ADGRG7: variants seen among roughly 807,000 people sequenced by gnomAD.
The protein encoded by ADGRG7 is adhesion G protein-coupled receptor G7.
A neutral mutation model predicts 88.6 loss-of-function variants in ADGRG7; 82 were observed. The ratio of observed to expected loss-of-function variants is 0.93; its 90% CI spans 0.77 to 1.11. The LOEUF is 1.11. Among genes scored for constraint, ADGRG7 ranks in the 50% most tolerant of loss-of-function variants. ADGRG7 has a pLI of 0.00. For synonymous variants in ADGRG7, 381 were observed against 345.2 expected (o/e 1.10, Z -1.15); for missense variants, 945 against 953.4 (o/e 0.99, Z 0.12).
intron 3 of ADGRG7, 108 bp from the exon 4 acceptor site, chr3:100,633,157 A>G (rs1707479177): frequency 3.9e-6 from 2 of 508,418 alleles, no homozygotes; most frequent in Non-Finnish European, 6.2e-6. Context: ...ATAGGCAATA[A>G]TTTTTAATAA....
At chr3:100,622,933 T>C (rs564701686) in intron 1 of ADGRG7, among the ~76,000 whole-genome samples, 2 of 151,318 alleles carry the variant, frequency 1.3e-5, no homozygotes, top group African/African-American at 2.4e-5. Flanking sequence ...TTTTTGTTTT[T>C]TTTTTTTGGT....
intron 14 of ADGRG7, among the ~76,000 whole-genome samples, chr3:100,661,538 G>C (rs186777331): frequency 6.6e-6 from 1 of 152,092 alleles, no homozygotes. Flanking sequence ...CCAGTTGTTG[G>C]TTTTTTTAAA....
intron 4 of ADGRG7, among the ~76,000 whole-genome samples, chr3:100,634,399 T>A (rs1707502850): frequency 6.6e-6 from 1 of 152,238 alleles, no homozygotes; most frequent in African/African-American, 2.4e-5. Flanking sequence ...TTGTGCCAAA[T>A]ATTAATGTAT....
chr3:100,660,412 C>T (rs2094943689), intron 14 of ADGRG7, among the ~76,000 whole-genome samples: 1 of 152,152 alleles, frequency 6.6e-6, no homozygotes, highest in Admixed American at 6.5e-5. Flanking sequence ...TCAAGTTATC[C>T]TCTCCCCTCA....
intron 3 of ADGRG7, among the ~76,000 whole-genome samples, 196 bp from the exon 4 acceptor site, chr3:100,633,069 A>G (rs1707477952): frequency 6.6e-6 from 1 of 152,174 alleles, no homozygotes; most frequent in Admixed American, 6.5e-5. Flanking sequence ...GAAGACATCA[A>G]AGGAAGGAAA....
chr3:100,646,914 C>A (rs1306295695), intron 10 of ADGRG7, among the ~76,000 whole-genome samples, 190 bp downstream of exon 10: 1 of 152,202 alleles, frequency 6.6e-6, no homozygotes, highest in Non-Finnish European at 1.5e-5. Flanking sequence ...AACCCCAGAA[C>A]TTTGGAAGGC....
At position 100,643,514 on chromosome 3, in the gene ADGRG7, C is replaced by T. The variant is rs1707681655; in HGVS notation, c.839-12C>T. 1 of 1,609,910 alleles carries T rather than the reference C, an allele frequency of 6.2e-7. No homozygotes were observed. Among genetic ancestry groups the T allele is most frequent in the Admixed American group, 1.7e-5 (1 of 59,546 alleles). Reference sequence around the variant, plus strand: ...GTAGACTTTTACAATTCTACTCTTTCCCTTCTCATAGGAGCTAGCAGTTCT... The same window carrying T: ...GTAGACTTTTACAATTCTACTCTTTTCCTTCTCATAGGAGCTAGCAGTTCT... On this transcript the variant is annotated splice_polypyrimidine_tract_variant and intron_variant, in intron 7 of 15. Coordinates refer to ENST00000273352, the MANE Select transcript of ADGRG7 (RefSeq NM_032787.3).
At chr3:100,668,875 T>C (rs1015341647) in intron 14 of ADGRG7, 74 bp from the exon 15 acceptor site, 13 of 1,091,870 alleles carry the variant, frequency 1.2e-5, no homozygotes, top group Middle Eastern at 3.2e-4. Context: ...ACATTCTAAA[T>C]AGGAGAGTAA....
intron 1 of ADGRG7, among the ~76,000 whole-genome samples, chr3:100,611,431 T>C (rs552822037): frequency 2.0e-5 from 3 of 152,058 alleles, no homozygotes; most frequent in Admixed American, 2.0e-4. Flanking sequence ...AGCAAAACCA[T>C]TAAAAACAAG....
chr3:100,663,012 T>G (rs1166587092), intron 14 of ADGRG7, among the ~76,000 whole-genome samples: 2 of 152,030 alleles, frequency 1.3e-5, no homozygotes, highest in Non-Finnish European at 2.9e-5. Context: ...AAAATAAAAA[T>G]GTCCTACTGA....
chr3:100,617,872 A>G (rs562294286), intron 1 of ADGRG7, among the ~76,000 whole-genome samples: 8 of 152,240 alleles, frequency 5.3e-5, no homozygotes, highest in African/African-American at 1.7e-4. Flanking sequence ...CCTCTCCAGC[A>G]CCTGTTGTTT....
At chr3:100,669,750 A>C (rs999279695) in intron 15 of ADGRG7, among the ~76,000 whole-genome samples, 3 of 151,814 alleles carry the variant, frequency 2.0e-5, no homozygotes, top group Non-Finnish European at 4.4e-5. Context: ...ATTATTATTG[A>C]CTGGCCGGGC....
At chr3:100,684,358 G>A (rs1413985359) in intron 15 of ADGRG7, among the ~76,000 whole-genome samples, 1 of 151,720 alleles carries the variant, frequency 6.6e-6, no homozygotes, top group Non-Finnish European at 1.5e-5. Context: ...CAATCTCCTG[G>A]ACTCAATTGA....
At chr3:100,621,751 C>T (rs1340060394) in intron 1 of ADGRG7, among the ~76,000 whole-genome samples, 1 of 152,176 alleles carries the variant, frequency 6.6e-6, no homozygotes, top group Non-Finnish European at 1.5e-5. Context: ...CTACACTAAA[C>T]AACAGATTTT....
chr3:100,665,157 T>C, intron 14 of ADGRG7: 3 of 538,430 alleles, frequency 5.6e-6, no homozygotes, highest in Non-Finnish European at 1.1e-5. Context: ...AGCTTATTCT[T>C]ACTGCCAGCA....
intron 15 of ADGRG7, among the ~76,000 whole-genome samples, chr3:100,686,142 T>C (rs1286583739): frequency 3.9e-5 from 6 of 151,948 alleles, no homozygotes; most frequent in Non-Finnish European, 8.8e-5. Context: ...TGAGCATTTT[T>C]TCATGTGTTT....
intron 6 of ADGRG7, among the ~76,000 whole-genome samples, chr3:100,643,005 A>G (rs1032202806): frequency 6.6e-6 from 1 of 152,242 alleles, no homozygotes; most frequent in Non-Finnish European, 1.5e-5. Context: ...TGGGAATTCT[A>G]TAATTCTTGA....
chr3:100,684,273 T>TTATTTATA (rs1179159939), intron 15 of ADGRG7, among the ~76,000 whole-genome samples: 1 of 151,484 alleles, frequency 6.6e-6, no homozygotes, highest in Admixed American at 6.6e-5. Context: ...ATTTATTTAT[T>TTATTTATA]TATTTATTGA....
intron 1 of ADGRG7, among the ~76,000 whole-genome samples, chr3:100,620,853 G>C (rs1044636363): frequency 6.6e-6 from 1 of 151,400 alleles, no homozygotes; most frequent in East Asian, 1.9e-4. Context: ...TTTACAACTG[G>C]AAGTTTTGTG....
Sources: allele counts gnomAD v4.1 joint callset (sites outside exome capture counted in the v4.1 genomes callset), GRCh38; gene constraint gnomAD v4.1.1; transcripts MANE v1.5; gene names NCBI Gene and HGNC (gene_info 2026-07-23, HGNC 2026-07-21).